The following ACTR6 variants were observed in gnomAD, a reference collection of about 807,000 sequenced individuals.
ACTR6 encodes the protein actin related protein 6.
In ACTR6, 50 loss-of-function variants were observed where a neutral mutation model predicts 52.5. The ratio of observed to expected loss-of-function variants is 0.95; its 90% CI spans 0.76 to 1.20. The LOEUF (loss-of-function observed/expected upper bound fraction) is 1.20, where lower values mean the gene tolerates loss of function less well. ACTR6 is among the 50% of genes most tolerant of loss of function. The pLI is 0.00. For synonymous variants in ACTR6, 135 were observed against 147.2 expected (o/e 0.92, Z 0.60); for missense variants, 344 against 472.4 (o/e 0.73, Z 2.52).
chr12:100,203,070 A>G (rs2096111209), intron 1 of ACTR6, among the ~76,000 whole-genome samples: 1 of 152,216 alleles, frequency 6.6e-6, no homozygotes, highest in Non-Finnish European at 1.5e-5. Context: ...ACAGTTCAAA[A>G]TAGGGTTCCT....
rs1015855431 is a variant in ACTR6 at position 100,218,725 on chromosome 12, T to G, written c.922+139T>G. On this transcript the variant is annotated intron_variant, in intron 9 of 10. Transcript: ENST00000188312. The surrounding 1 kb of genome is among the most constrained non-coding windows in gnomAD (Gnocchi z 4.2). ...TTGCAGAGATTTGTAGATCCCATAATGCATTTATATAATTCTTGATTCATC... is the reference window on the plus strand; with the variant it reads ...TTGCAGAGATTTGTAGATCCCATAAGGCATTTATATAATTCTTGATTCATC... 1.3e-5 allele frequency: 6 copies of G among 469,846 alleles called. No homozygotes were observed. The allele number at this position is 469,846 out of a possible 1,614,324, so 29.1% of individuals were successfully genotyped here.
chr12:100,201,256 T>A (rs999513637), intron 1 of ACTR6, among the ~76,000 whole-genome samples: 12 of 152,192 alleles, frequency 7.9e-5, no homozygotes, highest in African/African-American at 2.9e-4. Flanking sequence ...TGTTTGGGTG[T>A]ATGCGGATTT....
At chr12:100,203,026 C>CA (rs532038544) in intron 1 of ACTR6, among the ~76,000 whole-genome samples, 72 of 152,144 alleles carry the variant, frequency 4.7e-4, no homozygotes, top group African/African-American at 1.5e-3. Context: ...TAGATTCTCA[C>CA]AAAAAAAGTG....
intron 8 of ACTR6, among the ~76,000 whole-genome samples, chr12:100,216,778 C>T (rs1366760773): frequency 1.3e-5 from 2 of 151,782 alleles, no homozygotes; most frequent in Non-Finnish European, 1.5e-5. Context: ...AGGAAGAATA[C>T]TTCTATGAGG....
At position 100,218,685 on chromosome 12, in the gene ACTR6, G is replaced by A; in HGVS notation, c.922+99G>A. 2 of 728,640 alleles carry A rather than the reference G, an allele frequency of 2.7e-6. No individual in the cohort carries two copies. The highest frequency in any genetic ancestry group is 3.4e-5 in the East Asian group (1 of 29,478). 45.1% of individuals were successfully genotyped at this position (728,640 alleles called of 1,614,324 possible). A position where few individuals can be genotyped will look rare whatever the true frequency, so the allele number is the denominator to read the frequency against. On this transcript the variant is annotated intron_variant, in intron 9 of 10. Coordinates refer to ENST00000188312, the MANE Select transcript of ACTR6 (RefSeq NM_022496.5). The surrounding 1 kb of genome is among the most constrained non-coding windows in gnomAD (Gnocchi z 4.2). ...CCTCTAAATAATTTCAGGCAAATTG[G>A]TGAGTCTGTTTTATTTGCAGAGATT...
rs2096110257 is a variant in ACTR6, at chr12:100,202,118, G to GA, written c.68+1200dup. ...GGCTAAGTTTTGTATTTTTAGTAGA[G>GA]ACGGGGGTTTCACCATTTTGGCCAT... is the stretch of plus-strand genomic sequence containing the variant. On this transcript the variant is annotated intron_variant, in intron 1 of 10. Coordinates refer to ENST00000188312, the MANE Select transcript of ACTR6 (RefSeq NM_022496.5). Among the ~76,000 whole-genome samples the GA allele has an allele frequency of 2.0e-5, 3 of 152,078 alleles. No individual in the cohort carries two copies. The South Asian group carries it at 6.2e-4, about 32-fold the overall frequency.
chr12:100,218,640 A>C lies in ACTR6; in HGVS notation c.922+54A>C. The C allele has an allele frequency of 8.3e-7, 1 of 1,207,738 alleles. No individual in the cohort carries two copies. The highest frequency in any genetic ancestry group is 1.1e-6 in the Non-Finnish European group (1 of 924,882). 74.8% of individuals were successfully genotyped at this position (1,207,738 alleles called of 1,614,324 possible). A position where few individuals can be genotyped will look rare whatever the true frequency, so the allele number is the denominator to read the frequency against. On this transcript the variant is annotated intron_variant, in intron 9 of 10. Transcript: ENST00000188312. The surrounding 1 kb of genome is among the most constrained non-coding windows in gnomAD (Gnocchi z 4.2). The stretch of plus-strand genomic sequence containing the variant: ...ATTATAATTGTTTTAAAAACATCAT[A>C]AGCCCTGTGAACCCTGTTTCCTCTA...
rs1388343442 is a variant in ACTR6, at chr12:100,218,762, G to T, written c.922+176G>T. On this transcript the variant is annotated intron_variant, in intron 9 of 10. Transcript: ENST00000188312. This position sits in a 1 kb window ranked among gnomAD's most constrained non-coding sequence, Gnocchi z 4.2. Reference sequence around the variant, plus strand: ...ATTCTTGATTCATCTTTGATTATAAGTTTTTTTTTGTGATTATAAATTCGA... The same window carrying T: ...ATTCTTGATTCATCTTTGATTATAATTTTTTTTTTGTGATTATAAATTCGA... 1.3e-5 allele frequency among the ~76,000 whole-genome samples: 2 copies of T among 150,582 alleles called. No individual in the cohort carries two copies. The highest frequency in any genetic ancestry group is 3.0e-5 in the Non-Finnish European group (2 of 67,746).
Position 100,200,879 on chromosome 12 carries a change from G to A in ACTR6, c.28G>A (p.Ala10Thr), listed in dbSNP as rs2096109031. 6.2e-7 allele frequency: 1 copy of A among 1,614,170 alleles called. No homozygotes were observed. The highest frequency in any genetic ancestry group is 8.5e-7 in the Non-Finnish European group (1 of 1,180,024). ...GACGACCTTAGTGCTGGATAATGGAGCTTACAACGCCAAAATCGGTTACAG... is the reference window on the plus strand; with the variant it reads ...GACGACCTTAGTGCTGGATAATGGAACTTACAACGCCAAAATCGGTTACAG... The part of the protein sequence containing the change: MTTLVLDNG[A>T]YNAKIGYSHE... The change falls in exon 1 of 11, where the codon GCT becomes ACT. Residue 10 changes from alanine (A) to threonine (T), a missense_variant. Ala to Thr is a moderately conservative substitution (Grantham distance 58). Coordinates refer to ENST00000188312, the MANE Select transcript of ACTR6 (RefSeq NM_022496.5).
At chr12:100,206,560 G>A (rs2096114813) in intron 3 of ACTR6, among the ~76,000 whole-genome samples, 1 of 151,876 alleles carries the variant, frequency 6.6e-6, no homozygotes, top group Non-Finnish European at 1.5e-5. Flanking sequence ...GTTTCACCAT[G>A]TTGCCCAGGC....
In ACTR6 at chr12:100,200,926, A is replaced by C; in HGVS notation, c.68+7A>C. The C allele has an allele frequency of 6.2e-7, 1 of 1,614,096 alleles. No individual in the cohort carries two copies. The highest frequency in any genetic ancestry group is 8.5e-7 in the Non-Finnish European group (1 of 1,179,970). On this transcript the variant is annotated splice_region_variant and intron_variant, in intron 1 of 10. Coordinates refer to ENST00000188312, the MANE Select transcript of ACTR6 (RefSeq NM_022496.5). ...ACAGCCATGAAAATGTGTCGTAAGT[A>C]CTTTCTTTCTCCGAGGGACAAGATA... is the stretch of plus-strand genomic sequence containing the variant.
At chr12:100,211,177 A>T (rs1043363292) in intron 6 of ACTR6, among the ~76,000 whole-genome samples, 1 of 152,164 alleles carries the variant, frequency 6.6e-6, no homozygotes, top group Non-Finnish European at 1.5e-5. Flanking sequence ...TTACAGTCTC[A>T]GATAACTAGA....
In ACTR6 at chr12:100,200,914, T is replaced by C. The variant is rs1187347926; in HGVS notation, c.63T>C (p.Asn21=). 1.9e-6 allele frequency: 3 copies of C among 1,613,958 alleles called. No individual in the cohort carries two copies. Among genetic ancestry groups the C allele is most frequent in the East Asian group, 2.2e-5 (1 of 44,886 alleles). Residue 21 remains asparagine, a synonymous_variant, in exon 1 of 11, where the codon AAT becomes AAC. Transcript: ENST00000188312. ...YNAKIGYSHE[N]VSVIPNCQFR... Reference sequence around the variant, plus strand: ...CCAAAATCGGTTACAGCCATGAAAATGTGTCGTAAGTACTTTCTTTCTCCG... The same window carrying C: ...CCAAAATCGGTTACAGCCATGAAAACGTGTCGTAAGTACTTTCTTTCTCCG...
In ACTR6 at chr12:100,221,204, A is replaced by T. The variant is rs2153901261; in HGVS notation, c.1061+1058A>T. Among the ~76,000 whole-genome samples, 4 of 152,264 alleles carry T rather than the reference A, an allele frequency of 2.6e-5. No individual in the cohort carries two copies. The South Asian group carries it at 8.3e-4, about 32-fold the overall frequency. On this transcript the variant is annotated intron_variant, in intron 10 of 10. Coordinates refer to ENST00000188312, the MANE Select transcript of ACTR6 (RefSeq NM_022496.5). ...TACCTTGAGTGAGGACTTCTTACCC[A>T]AAGTATATGTCTAAAAACTCACCCC...
chr12:100,207,074 A>T (rs1017449116), intron 3 of ACTR6, among the ~76,000 whole-genome samples: 1 of 151,278 alleles, frequency 6.6e-6, no homozygotes. Flanking sequence ...TTATGGTAAC[A>T]TTTTCTTTCA....
At chr12:100,216,191 T>C (rs2096123766) in intron 8 of ACTR6, among the ~76,000 whole-genome samples, 1 of 152,258 alleles carries the variant, frequency 6.6e-6, no homozygotes, top group South Asian at 2.1e-4. Context: ...AGTCTCGTTC[T>C]ATAGCCCAGG....
intron 10 of ACTR6, among the ~76,000 whole-genome samples, chr12:100,222,377 C>T (rs1278353578): frequency 1.3e-5 from 2 of 151,502 alleles, no homozygotes; most frequent in Non-Finnish European, 2.9e-5. Context: ...TCACCACAGC[C>T]TTCCATGTAG....
chr12:100,217,856 A>C (rs931818981), intron 8 of ACTR6, among the ~76,000 whole-genome samples: 2 of 152,320 alleles, frequency 1.3e-5, no homozygotes, highest in African/African-American at 4.8e-5. Context: ...AGGGGAGTGA[A>C]AGTAGACAGT....
intron 10 of ACTR6, 65 bp downstream of exon 10, chr12:100,220,211 C>A: frequency 6.6e-7 from 1 of 1,525,680 alleles, no homozygotes; most frequent in Non-Finnish European, 8.9e-7. Flanking sequence ...GGTCTGTTGA[C>A]TTGAGTTTAA....
Sources: allele counts gnomAD v4.1 joint callset (sites outside exome capture counted in the v4.1 genomes callset), GRCh38; gene constraint gnomAD v4.1.1; non-coding constraint Gnocchi (gnomAD v3.1); transcripts MANE v1.5; gene names NCBI Gene and HGNC (gene_info 2026-07-23, HGNC 2026-07-21).